Variants in GGT6 observed in about 807,000 individuals in gnomAD.
The protein encoded by GGT6 is glutathione hydrolase 6.
In GGT6, 13 loss-of-function variants were observed where a neutral mutation model predicts 17.0. The ratio of observed to expected loss-of-function variants is 0.77; its 90% CI spans 0.50 to 1.22. GGT6 has a LOEUF of 1.22. Among genes scored for constraint, GGT6 ranks in the 50% most tolerant of loss-of-function variants. GGT6 has a pLI of 0.00. For synonymous variants in GGT6, 305 were observed against 297.9 expected (o/e 1.02, Z -0.25); for missense variants, 628 against 643.7 (o/e 0.98, Z 0.26).
intron 3 of GGT6, 61 bp from the exon 4 acceptor site, chr17:4,559,118 TC>T: frequency 2.6e-6 from 4 of 1,530,806 alleles, no homozygotes. Flanking sequence ...CTTGTTTCAG[TC>T]AAGATCCCTT....
Position 4,559,330 on chromosome 17 carries a change from A to AG in GGT6, c.457+12dup. On this transcript the variant is annotated intron_variant, in intron 3 of 3. Coordinates refer to ENST00000381550, the MANE Select transcript of GGT6 (RefSeq NM_001288702.2). ...TGGGTTGGGGTTGCAGTCTGGGGTC[A>AG]GGGGTCACTGACCTAGCCCCGTGGC... 6.5e-7 allele frequency: 1 copy of AG among 1,541,132 alleles called. No homozygotes were observed. Among genetic ancestry groups the AG allele is most frequent in the South Asian group, 1.2e-5 (1 of 83,864 alleles).
Position 4,558,687 on chromosome 17 carries a change from AGCAAG to A in GGT6, c.823_827del (p.Leu275TrpfsTer66). On this transcript the variant is annotated frameshift_variant, in exon 4 of 4. Coordinates refer to ENST00000381550, the MANE Select transcript of GGT6 (RefSeq NM_001288702.2). LOFTEE classifies it low-confidence loss of function (END_TRUNC). The stretch of plus-strand genomic sequence containing the variant: ...CCAGTAGACTCAGTAGAGCATCCCC[AGCAAG>A]GTCTGAGGTGGGAGCGAGGGCTGCG... 1 of 1,606,756 alleles carries A rather than the reference AGCAAG, an allele frequency of 6.2e-7. No individual in the cohort carries two copies. The highest frequency in any genetic ancestry group is 8.5e-7 in the Non-Finnish European group (1 of 1,176,838).
At chr17:4,559,518 T>A (rs748528438) in intron 2 of GGT6, 40 bp downstream of exon 2, 7 of 1,595,122 alleles carry the variant, frequency 4.4e-6, no homozygotes. Context: ...TGGTGACCCC[T>A]GACCCTCCCC....
chr17:4,560,406 G>C lies in GGT6; in HGVS notation c.116C>G (p.Pro39Arg). ...EETSEALVLN[P>R]RRHQDSSRNK... ...CCTGGAAGAGTCCTGGTGCCTCCGGGGGTTTAGAACCAGCGCCTCTGATGT... is the reference window on the plus strand; with the variant it reads ...CCTGGAAGAGTCCTGGTGCCTCCGGCGGTTTAGAACCAGCGCCTCTGATGT... The change falls in exon 1 of 4, where the codon CCC becomes CGC. Residue 39 changes from proline to arginine, a missense_variant. By Grantham distance (103) the Pro-to-Arg change is moderately radical. Transcript: ENST00000381550. 1 of 1,614,084 alleles carries C rather than the reference G, an allele frequency of 6.2e-7. No individual in the cohort carries two copies. The highest frequency in any genetic ancestry group is 1.7e-5 in the Admixed American group (1 of 60,022).
chr17:4,560,513 C>A lies in GGT6; in HGVS notation c.9G>T (p.Arg3=), dbSNP rs1407848840. 11 of 1,610,718 alleles carry A rather than the reference C, an allele frequency of 6.8e-6. No homozygotes were observed. The highest frequency in any genetic ancestry group is 8.5e-6 in the Non-Finnish European group (10 of 1,180,008). ...TCTGATAGACCACGGGCTCTTCTGC[C>A]CGCTCCATGGCCCCCCAGTGCTCGC... is the stretch of plus-strand genomic sequence containing the variant. The part of the protein sequence containing the change: ME[R]AEEPVVYQKL... The change falls in exon 1 of 4, where the codon CGG becomes CGT. Residue 3 remains arginine, a synonymous_variant. Coordinates refer to ENST00000381550, the MANE Select transcript of GGT6 (RefSeq NM_001288702.2).
At chr17:4,560,220 C>G (rs1014995145) in intron 1 of GGT6, among the ~76,000 whole-genome samples, 162 bp downstream of exon 1, 1 of 152,210 alleles carries the variant, frequency 6.6e-6, no homozygotes, top group Admixed American at 6.5e-5. Context: ...TGGGTCAGGC[C>G]AAGTCTCGGG....
chr17:4,558,862 C>T lies in GGT6; in HGVS notation c.653G>A (p.Gly218Asp). 5 of 1,546,042 alleles carry T rather than the reference C, an allele frequency of 3.2e-6. No individual in the cohort carries two copies. Among genetic ancestry groups the T allele is most frequent in the Non-Finnish European group, 4.4e-6 (5 of 1,144,330 alleles). Reference protein sequence around the residue: ...LVGPTTLAQEGFLVDTPLARA... With the variant: ...LVGPTTLAQEDFLVDTPLARA... ...TGCCAGGGGTGTGTCCACCAGGAAG[C>T]CCTCCTGAGCCAGCGTGGTGGGGCC... Residue 218 changes from glycine to aspartate, a missense_variant, in exon 4 of 4, where the codon GGC (glycine) becomes GAC (aspartate). Gly to Asp is a moderately conservative substitution (Grantham distance 94). Transcript: ENST00000381550.
At chr17:4,559,517 C>G in intron 2 of GGT6, 41 bp downstream of exon 2, 1 of 1,595,624 alleles carries the variant, frequency 6.3e-7, no homozygotes. Context: ...CTGGTGACCC[C>G]TGACCCTCCC....
At chr17:4,556,646 C>G (rs1412574576), downstream of GGT6, among the ~76,000 whole-genome samples, 2 of 152,346 alleles carry the variant, frequency 1.3e-5, no homozygotes, top group Non-Finnish European at 1.5e-5. Flanking sequence ...TCCACACGCT[C>G]AACTCCAACC....
rs780408274 is a variant in GGT6, at chr17:4,559,769, G to A, written c.141-9C>T. On this transcript the variant is annotated splice_polypyrimidine_tract_variant and intron_variant, in intron 1 of 3. Transcript: ENST00000381550. Reference sequence around the variant, plus strand: ...GCCCGCCAGCCTTGTTCCTGCAGAGGGGGGGTGTCCTGAGCCACGGCTGGG... The same window carrying A: ...GCCCGCCAGCCTTGTTCCTGCAGAGAGGGGGTGTCCTGAGCCACGGCTGGG... The A allele has an allele frequency of 8.0e-5, 128 of 1,609,414 alleles. No homozygotes were observed. Among genetic ancestry groups the A allele is most frequent in the South Asian group, 9.9e-5 (9 of 90,974 alleles).
At position 4,558,679 on chromosome 17, in the gene GGT6, G is replaced by A. The variant is rs756200752; in HGVS notation, c.836C>T (p.Ala279Val). The change falls in exon 4 of 4, where the codon GCT becomes GTT. Residue 279 changes from alanine (A) to valine (V), a missense_variant. Transcript: ENST00000381550. ...GTCTCCCGCCAGTAGACTCAGTAGA[G>A]CATCCCCAGCAAGGTCTGAGGTGGG... ...LAPTSDLAGD[A>V]LLSLLAGDLG... 2.4e-5 allele frequency: 38 copies of A among 1,604,404 alleles called. No homozygotes were observed. The highest frequency in any genetic ancestry group is 3.1e-5 in the Non-Finnish European group (36 of 1,175,648).
Position 4,557,825 on chromosome 17 carries a change from T to C in GGT6, c.*190A>G. Reference sequence around the variant, plus strand: ...ATTTTTAGTACAGATGAGATCTTGCTTTGTTGTCTAGGCTAGTTTCAAACT... The same window carrying C: ...ATTTTTAGTACAGATGAGATCTTGCCTTGTTGTCTAGGCTAGTTTCAAACT... On this transcript the variant is annotated 3_prime_UTR_variant, in exon 4 of 4. Coordinates refer to ENST00000381550, the MANE Select transcript of GGT6 (RefSeq NM_001288702.2). 1.9e-6 allele frequency: 1 copy of C among 518,142 alleles called. No individual in the cohort carries two copies. The highest frequency in any genetic ancestry group is 3.4e-6 in the Non-Finnish European group (1 of 295,860). The allele number at this position is 518,142 out of a possible 1,614,324, so 32.1% of individuals were successfully genotyped here. A position where few individuals can be genotyped will look rare whatever the true frequency, so the allele number is the denominator to read the frequency against.
chr17:4,559,253 T>A, intron 3 of GGT6, 90 bp downstream of exon 3: 1 of 1,218,830 alleles, frequency 8.2e-7, no homozygotes, highest in Non-Finnish European at 1.2e-6. Flanking sequence ...CACTTAGCAG[T>A]CTTGAGGTCA....
At position 4,560,552 on chromosome 17, in the gene GGT6, C is replaced by A. The variant is rs1455200158; in HGVS notation, c.-31G>T. ...CCCAGTGCTCGCCCCAGCCCTCCTG[C>A]CTGCCAGCCTTTCCGGCTGTGTCTC... On this transcript the variant is annotated 5_prime_UTR_variant, in exon 1 of 4. Coordinates refer to ENST00000381550, the MANE Select transcript of GGT6 (RefSeq NM_001288702.2). 6.2e-7 allele frequency: 1 copy of A among 1,604,138 alleles called. No homozygotes were observed. The highest frequency in any genetic ancestry group is 1.3e-5 in the African/African-American group (1 of 74,936).
Position 4,559,042 on chromosome 17 carries a change from C to T in GGT6, c.473G>A (p.Gly158Asp). The T allele has an allele frequency of 6.5e-7, 1 of 1,541,156 alleles. No homozygotes were observed. Among genetic ancestry groups the T allele is most frequent in the Non-Finnish European group, 8.7e-7 (1 of 1,146,914 alleles). ...GCCTGAGGAGCTATCGTGGAAGAGGCCCCAAAACATGGCACCTGCAGGAGA... is the reference window on the plus strand; with the variant it reads ...GCCTGAGGAGCTATCGTGGAAGAGGTCCCAAAACATGGCACCTGCAGGAGA... ...HATGLGAMFW[G>D]LFHDSSSGNS... is the part of the protein sequence containing the mutation. Residue 158 changes from glycine to aspartate, a missense_variant, in exon 4 of 4, where the codon GGC (glycine) becomes GAC (aspartate). Gly to Asp is a moderately conservative substitution (Grantham distance 94, BLOSUM62 -1). Transcript: ENST00000381550.
rs1020855325 is a variant in GGT6, at chr17:4,559,371, T to TGCCAG, written c.424_428dup (p.Val144TrpfsTer11). The TGCCAG allele has an allele frequency of 1.9e-6, 3 of 1,551,516 alleles. No homozygotes were observed. The Admixed American group carries it at 5.9e-5, about 30-fold the overall frequency. The stretch of plus-strand genomic sequence containing the variant: ...GCCCCGTGGCATGAGGATGCACCAC[T>TGCCAG]GCCAGGCACAATGCAGCTCCAACTC... On this transcript the variant is annotated frameshift_variant, in exon 3 of 4. Coordinates refer to ENST00000381550, the MANE Select transcript of GGT6 (RefSeq NM_001288702.2). LOFTEE classifies it low-confidence loss of function (END_TRUNC).
In GGT6 at chr17:4,558,699, G is replaced by A. The variant is rs757514151; in HGVS notation, c.816C>T (p.Thr272=). Residue 272 remains threonine (T), a synonymous_variant, in exon 4 of 4, where the codon ACC becomes ACT. Coordinates refer to ENST00000381550, the MANE Select transcript of GGT6 (RefSeq NM_001288702.2). ...AVLRSAALAP[T]SDLAGDALLS... ...GTAGAGCATCCCCAGCAAGGTCTGA[G>A]GTGGGAGCGAGGGCTGCGCTGCGAA... 10 of 1,608,382 alleles carry A rather than the reference G, an allele frequency of 6.2e-6. No individual in the cohort carries two copies. In the East Asian group the frequency reaches 1.8e-4, roughly 29 times the overall value.
In GGT6 at chr17:4,558,972, G is replaced by A. The variant is rs749181550; in HGVS notation, c.543C>T (p.Pro181=). 105 of 1,544,338 alleles carry A rather than the reference G, an allele frequency of 6.8e-5. No individual in the cohort carries two copies. Among genetic ancestry groups the A allele is most frequent in the Middle Eastern group, 1.9e-4 (1 of 5,338 alleles). ...LTSGPAQTLA[P]GLGLPAALPT... ...GCAGAGCCGCGGGCAGCCCCAGGCC[G>A]GGGGCCAGGGTCTGTGCTGGGCCTG... The change falls in exon 4 of 4, where the codon CCC becomes CCT. Residue 181 remains proline (P), a synonymous_variant. Transcript: ENST00000381550.
At chr17:4,559,481 G>A (rs767817712) in intron 2 of GGT6, 25 bp from the exon 3 acceptor site, 1 of 1,565,704 alleles carries the variant, frequency 6.4e-7, no homozygotes, top group Non-Finnish European at 8.7e-7. Flanking sequence ...GCACTGTCAT[G>A]CAGCAAGGAG....
Sources: allele counts gnomAD v4.1 joint callset (sites outside exome capture counted in the v4.1 genomes callset), GRCh38; gene constraint gnomAD v4.1.1; transcripts MANE v1.5; gene names NCBI Gene and HGNC (gene_info 2026-07-23, HGNC 2026-07-21).